RGS20: variants seen among roughly 807,000 people sequenced by gnomAD.
RGS20 encodes gz-selective GTPase-activating protein.
Under a neutral mutation model 33.6 loss-of-function variants are expected in RGS20, and 30 were observed. The observed-to-expected ratio is 0.89, with a 90% CI of 0.67 to 1.21. The LOEUF (loss-of-function observed/expected upper bound fraction) is 1.21, where lower values mean the gene tolerates loss of function less well. Among genes scored for constraint, RGS20 ranks in the 50% most tolerant of loss-of-function variants. The pLI, the probability that RGS20 is intolerant of heterozygous loss-of-function variation, is 0.00. For synonymous variants in RGS20, 208 were observed against 197.9 expected, an observed-to-expected ratio of 1.05 and a Z score of -0.43; for missense variants, 472 against 502.4, an observed-to-expected ratio of 0.94 and a Z score of 0.58.
intron 2 of RGS20, among the ~76,000 whole-genome samples, chr8:53,881,944 A>G (rs1812396907): frequency 6.6e-6 from 1 of 151,978 alleles, no homozygotes; most frequent in Non-Finnish European, 1.5e-5. Context: ...TGCAGGCTGC[A>G]GCTGGGGACC....
intron 2 of RGS20, among the ~76,000 whole-genome samples, chr8:53,921,994 T>A: frequency 6.6e-6 from 1 of 152,198 alleles, no homozygotes. Flanking sequence ...TGGAGTGCTC[T>A]ATAGATGTCT....
At chr8:53,867,484 T>C (rs1243991841) in intron 1 of RGS20, among the ~76,000 whole-genome samples, 1 of 152,184 alleles carries the variant, frequency 6.6e-6, no homozygotes, top group Non-Finnish European at 1.5e-5. Context: ...ACTCCATGGA[T>C]TTAATTTATC....
chr8:53,857,256 G>A (rs1811696553), intron 1 of RGS20, among the ~76,000 whole-genome samples: 1 of 152,230 alleles, frequency 6.6e-6, no homozygotes, highest in Admixed American at 6.5e-5. Flanking sequence ...CATGTTCAGT[G>A]GCTGTCTCCT....
At chr8:53,933,277 A>T (rs1814027894) in intron 2 of RGS20, among the ~76,000 whole-genome samples, 1 of 152,200 alleles carries the variant, frequency 6.6e-6, no homozygotes, top group Non-Finnish European at 1.5e-5. Flanking sequence ...GCATTGACAG[A>T]AGGAGGCTTC....
intron 2 of RGS20, among the ~76,000 whole-genome samples, chr8:53,921,553 T>A (rs1813647660): frequency 6.6e-6 from 1 of 152,052 alleles, no homozygotes; most frequent in African/African-American, 2.4e-5. Flanking sequence ...CCATTTAGAT[T>A]TTTTCTTCTT....
intron 4 of RGS20, among the ~76,000 whole-genome samples, chr8:53,953,300 C>A (rs118149714): frequency 0.011 from 1,732 of 152,252 alleles, 16 homozygotes; most frequent in Non-Finnish European, 0.014. Flanking sequence ...GTGGGCAGAT[C>A]GCTTGAGCCC....
chr8:53,885,766 G>C (rs1294546991), intron 2 of RGS20, among the ~76,000 whole-genome samples: 1 of 148,880 alleles, frequency 6.7e-6, no homozygotes, highest in African/African-American at 2.5e-5. Context: ...TCCAGTGTGT[G>C]AACTGGATAC....
intron 2 of RGS20, among the ~76,000 whole-genome samples, chr8:53,910,741 C>T (rs2129283559): frequency 6.6e-6 from 1 of 152,278 alleles, no homozygotes; most frequent in South Asian, 2.1e-4. Flanking sequence ...TTGAGTACTA[C>T]TCAGCAGTAA....
At chr8:53,858,183 G>A (rs751578949) in intron 1 of RGS20, among the ~76,000 whole-genome samples, 6 of 152,068 alleles carry the variant, frequency 3.9e-5, no homozygotes, top group Non-Finnish European at 5.9e-5. Context: ...AAAATGAAAT[G>A]GTGATCAACT....
chr8:53,950,094 T>A (rs1814665388), intron 4 of RGS20, among the ~76,000 whole-genome samples: 1 of 151,940 alleles, frequency 6.6e-6, no homozygotes, highest in Non-Finnish European at 1.5e-5. Context: ...CCCACCTCGT[T>A]CTCCCAAAGT....
chr8:53,952,650 C>T (rs888991396), intron 4 of RGS20, among the ~76,000 whole-genome samples: 3 of 148,866 alleles, frequency 2.0e-5, no homozygotes, highest in Non-Finnish European at 4.5e-5. Context: ...CACTTGAACC[C>T]GGAAGGCGGA....
chr8:53,881,167 G>A (rs2129274544), intron 2 of RGS20, 83 bp downstream of exon 1: 3 of 1,070,068 alleles, frequency 2.8e-6, no homozygotes. Context: ...CCGAGGCTGG[G>A]AGGGGCGCGC....
intron 1 of RGS20, among the ~76,000 whole-genome samples, chr8:53,864,924 C>G (rs1486750146): frequency 1.3e-5 from 2 of 152,154 alleles, no homozygotes; most frequent in Non-Finnish European, 2.9e-5. Context: ...GAAAACATCC[C>G]CTTTAAAATG....
intron 2 of RGS20, chr8:53,879,800 C>G (rs1728683206): frequency 2.1e-6 from 1 of 475,718 alleles, no homozygotes; most frequent in African/African-American, 2.0e-5. Context: ...CCCCTCCCCG[C>G]GGGAAGACAC....
At chr8:53,942,299 AAC>A (rs919728381) in intron 3 of RGS20, among the ~76,000 whole-genome samples, 22 of 151,936 alleles carry the variant, frequency 1.4e-4, no homozygotes, top group African/African-American at 4.8e-4. Context: ...TAAAAAATAA[AAC>A]ACAAAAATTA....
intron 4 of RGS20, among the ~76,000 whole-genome samples, chr8:53,949,075 CTA>C (rs1232831647): frequency 5.3e-5 from 1 of 18,974 alleles, no homozygotes; most frequent in African/African-American, 4.6e-4. Flanking sequence ...TTTATATATG[CTA>C]TATAAGATAC....
At chr8:53,955,927 T>C (rs562324693) in intron 5 of RGS20, among the ~76,000 whole-genome samples, 2 of 152,292 alleles carry the variant, frequency 1.3e-5, no homozygotes, top group South Asian at 4.1e-4. Flanking sequence ...AGTTATTTCC[T>C]ACTATGTGCC....
chr8:53,904,420 C>T (rs1336742926), intron 2 of RGS20, among the ~76,000 whole-genome samples: 1 of 152,214 alleles, frequency 6.6e-6, no homozygotes, highest in Non-Finnish European at 1.5e-5. Context: ...GCGTGAGCCA[C>T]CACACCTGGC....
chr8:53,855,728 G>A (rs183078610), intron 1 of RGS20, among the ~76,000 whole-genome samples: 2 of 152,262 alleles, frequency 1.3e-5, no homozygotes, highest in East Asian at 3.9e-4. Context: ...TTCTGTGCAC[G>A]TGATTTCCTA....
Sources: gnomAD v4.1 joint callset for allele counts (sites outside exome capture counted in the v4.1 genomes callset) on GRCh38, gnomAD v4.1.1 for gene constraint, MANE v1.5 for transcripts, NCBI Gene and HGNC (gene_info 2026-07-23, HGNC 2026-07-21) for gene names.